ANKRD30BL: variants seen among roughly 807,000 people sequenced by gnomAD.
ANKRD30BL encodes putative ankyrin repeat domain-containing protein 30B-like.
ANKRD30BL carries 20 observed loss-of-function variants against 18.4 expected under a neutral mutation model. That is an observed-to-expected ratio of 1.09 (90% CI 0.77 to 1.58). ANKRD30BL has a LOEUF of 1.58. Among genes scored for constraint, ANKRD30BL ranks in the 40% most tolerant of loss-of-function variants. The pLI, the probability that ANKRD30BL is intolerant of heterozygous loss-of-function variation, is 0.00. For missense variants in ANKRD30BL, 224 were observed against 268.6 expected, an observed-to-expected ratio of 0.83 and a Z score of 1.16; for synonymous variants, 72 against 100.9, an observed-to-expected ratio of 0.71 and a Z score of 1.72.
At chr2:132,164,999 G>C (rs1688159868), upstream of ANKRD30BL, among the ~76,000 whole-genome samples, 1 of 151,986 alleles carries the variant, frequency 6.6e-6, no homozygotes, top group South Asian at 2.1e-4. Flanking sequence ...GCGTGAATCC[G>C]GGTTGCGGAG....
chr2:132,174,641 A>C (rs1026571775), intron 1 of ANKRD30BL, among the ~76,000 whole-genome samples: 1 of 152,242 alleles, frequency 6.6e-6, no homozygotes, highest in Non-Finnish European at 1.5e-5. Flanking sequence ...GAGGCGGCTA[A>C]ATATCAAAGT....
rs1490794862 is a variant in ANKRD30BL, at chr2:132,161,730, G to T, written c.-25C>A. ...TGGCTGCAGCCACCTGCTAGAGAGA[G>T]CCCGTGCCTCCCGCTGCTCGCCCTT... is the stretch of plus-strand genomic sequence containing the variant. On this transcript the variant is annotated 5_prime_UTR_variant, in exon 1 of 6. Transcript: ENST00000409867. 1.2e-5 allele frequency: 14 copies of T among 1,161,932 alleles called. No individual in the cohort carries two copies. The highest frequency in any genetic ancestry group is 2.0e-5 in the Admixed American group (1 of 50,122). 72.0% of individuals were successfully genotyped at this position (1,161,932 alleles called of 1,614,324 possible). A position where few individuals can be genotyped will look rare whatever the true frequency, so the allele number is the denominator to read the frequency against.
chr2:132,148,145 T>C lies in ANKRD30BL; in HGVS notation c.763A>G (p.Thr255Ala). 1 of 1,596,386 alleles carries C rather than the reference T, an allele frequency of 6.3e-7. No homozygotes were observed. Among genetic ancestry groups the C allele is most frequent in the South Asian group, 1.1e-5 (1 of 88,854 alleles). ...PDTAESLVERTPDE is the reference protein window; with the variant it reads ...PDTAESLVERAPDE ...TTCACTGTATCCTATTCATCAGGTG[T>C]TCTTTCCACCAAGCTTTCAGCCGTG... Residue 255 changes from threonine to alanine, a missense_variant, in exon 6 of 6, where the codon ACA becomes GCA. By Grantham distance (58) the Thr-to-Ala change is moderately conservative. Coordinates refer to ENST00000409867, the MANE Select transcript of ANKRD30BL (RefSeq NM_001358416.1).
In ANKRD30BL at chr2:132,245,163, A is replaced by T. The variant is rs77581439; in HGVS notation, n.441+12366T>A. 6.3e-3 allele frequency among the ~76,000 whole-genome samples: 3 copies of T among 480 alleles called. No homozygotes were observed. The South Asian group carries it at 0.17, about 27-fold the overall frequency. 0.3% of individuals were successfully genotyped at this position (480 alleles called of 152,430 possible). ...CTTTTTGATGTGTGTTTTCAACTCA[A>T]AGAGTTGAATCTTTCTTTCGATAGA... On this transcript the variant is annotated intron_variant and non_coding_transcript_variant, in intron 1 of 4. Coordinates refer to the ANKRD30BL transcript ENST00000470729.
chr2:132,195,594 C>A (rs1157775367), intron 1 of ANKRD30BL, among the ~76,000 whole-genome samples: 1 of 151,412 alleles, frequency 6.6e-6, no homozygotes, highest in Non-Finnish European at 1.5e-5. Flanking sequence ...AGTTCAAGAC[C>A]AGCCTGGCAA....
intron 1 of ANKRD30BL, among the ~76,000 whole-genome samples, chr2:132,195,694 G>A (rs1466562240): frequency 6.6e-6 from 1 of 150,722 alleles, no homozygotes; most frequent in South Asian, 2.1e-4. Flanking sequence ...AAGAAGCTGA[G>A]GCAGAAGAAT....
At chr2:132,148,689 C>G (rs1164452678) in intron 5 of ANKRD30BL, among the ~76,000 whole-genome samples, 1 of 152,066 alleles carries the variant, frequency 6.6e-6, no homozygotes, top group Non-Finnish European at 1.5e-5. Flanking sequence ...CTTTTTAAAG[C>G]TTTAATTCTT....
chr2:132,246,990 T>A (rs368551968), intron 1 of ANKRD30BL, among the ~76,000 whole-genome samples: 34 of 47,594 alleles, frequency 7.1e-4, no homozygotes, highest in East Asian at 1.2e-3. Context: ...CACATAAAAA[T>A]TAGACAGAAG....
intron 1 of ANKRD30BL, among the ~76,000 whole-genome samples, chr2:132,254,271 G>A (rs1298165308): frequency 6.6e-6 from 1 of 152,152 alleles, no homozygotes; most frequent in African/African-American, 2.4e-5. Context: ...CTCCGCCCAT[G>A]CATGCGCCAC....
chr2:132,218,430 T>A (rs1679571988), intron 1 of ANKRD30BL, among the ~76,000 whole-genome samples: 2 of 151,788 alleles, frequency 1.3e-5, no homozygotes, highest in African/African-American at 4.8e-5. Flanking sequence ...TTTAGAGAGC[T>A]TTGAGGCCTA....
chr2:132,190,120 C>T (rs370758506), intron 1 of ANKRD30BL, among the ~76,000 whole-genome samples: 213 of 152,074 alleles, frequency 1.4e-3, no homozygotes, highest in South Asian at 2.3e-3. Flanking sequence ...AAAAAATATG[C>T]GTAAAGATGC....
chr2:132,208,329 A>C (rs973772080), intron 1 of ANKRD30BL, among the ~76,000 whole-genome samples: 10 of 152,124 alleles, frequency 6.6e-5, no homozygotes, highest in African/African-American at 2.4e-4. Flanking sequence ...TTCCATTTGA[A>C]AGATGTTTGC....
At chr2:132,231,168 T>C (rs1436403172) in intron 1 of ANKRD30BL, among the ~76,000 whole-genome samples, 2 of 152,154 alleles carry the variant, frequency 1.3e-5, no homozygotes, top group Non-Finnish European at 2.9e-5. Context: ...ACATAAAAAC[T>C]ACATAGAAGC....
At chr2:132,152,802 T>C (rs1367425924) in intron 4 of ANKRD30BL, 1 of 152,174 alleles carries the variant, frequency 6.6e-6, no homozygotes, top group African/African-American at 2.4e-5. Flanking sequence ...AAAGGATAAC[T>C]TACCATGAAG....
intron 1 of ANKRD30BL, among the ~76,000 whole-genome samples, chr2:132,160,284 A>G (rs1193051337): frequency 6.6e-6 from 1 of 151,246 alleles, no homozygotes; most frequent in East Asian, 1.9e-4. Flanking sequence ...GTATTTTTGT[A>G]GATTTGAGGT....
chr2:132,247,105 G>A (rs1680522397), intron 1 of ANKRD30BL, among the ~76,000 whole-genome samples: 1 of 151,552 alleles, frequency 6.6e-6, no homozygotes, highest in Non-Finnish European at 1.5e-5. Context: ...TCTGCAAGTG[G>A]ACATTTGGAG....
intron 1 of ANKRD30BL, among the ~76,000 whole-genome samples, chr2:132,179,145 A>C (rs917850978): frequency 6.6e-6 from 1 of 152,136 alleles, no homozygotes; most frequent in African/African-American, 2.4e-5. Context: ...TTCATTACTC[A>C]CATGTCTGTG....
chr2:132,221,377 C>T (rs1679675616), intron 1 of ANKRD30BL, among the ~76,000 whole-genome samples: 1 of 133,408 alleles, frequency 7.5e-6, no homozygotes. Context: ...GAGGGGGGGT[C>T]AGCCCCCTGC....
intron 1 of ANKRD30BL, among the ~76,000 whole-genome samples, chr2:132,243,312 C>T (rs1193916760): frequency 6.6e-6 from 1 of 151,580 alleles, no homozygotes; most frequent in Admixed American, 6.6e-5. Flanking sequence ...TTTGATACAG[C>T]AGTTTTGAAA....
Sources: gnomAD v4.1 joint callset for allele counts (sites outside exome capture counted in the v4.1 genomes callset) on GRCh38, gnomAD v4.1.1 for gene constraint, MANE v1.5 for transcripts, NCBI Gene and HGNC (gene_info 2026-07-23, HGNC 2026-07-21) for gene names.